Variants in FAM53B observed in about 807,000 individuals in gnomAD.
The protein encoded by FAM53B is protein FAM53B.
In FAM53B, 12 loss-of-function variants were observed where a neutral mutation model predicts 32.7. The ratio of observed to expected loss-of-function variants is 0.37; its 90% CI spans 0.24 to 0.59. The LOEUF is 0.59. FAM53B is among the 20% of genes least tolerant of loss of function. FAM53B has a pLI of 0.72. For missense variants in FAM53B, 477 were observed against 577.7 expected (o/e 0.83, Z 1.79); for synonymous variants, 234 against 228.7 (o/e 1.02, Z -0.21).
intron 1 of FAM53B, among the ~76,000 whole-genome samples, chr10:124,729,752 C>A (rs537266122): frequency 2.0e-5 from 3 of 152,294 alleles, no homozygotes; most frequent in East Asian, 3.9e-4. Context: ...TGGACTACAA[C>A]CAGCCACACA....
In FAM53B at chr10:124,623,225, C is replaced by G. The variant is rs1319573999; in HGVS notation, c.*17G>C. 6.4e-7 allele frequency: 1 copy of G among 1,569,526 alleles called. No homozygotes were observed. Among genetic ancestry groups the G allele is most frequent in the African/African-American group, 1.4e-5 (1 of 73,998 alleles). ...TCGATGCCAGCACACCCCAGCCCTGCCTGGGCCCACACCCCCTCAGTTCTT... is the reference window on the plus strand; with the variant it reads ...TCGATGCCAGCACACCCCAGCCCTGGCTGGGCCCACACCCCCTCAGTTCTT... On this transcript the variant is annotated 3_prime_UTR_variant, in exon 5 of 5. Coordinates refer to ENST00000337318, the MANE Select transcript of FAM53B (RefSeq NM_014661.4).
chr10:124,705,214 T>G (rs1949945247), intron 2 of FAM53B, among the ~76,000 whole-genome samples: 1 of 152,132 alleles, frequency 6.6e-6, no homozygotes, highest in Non-Finnish European at 1.5e-5. Flanking sequence ...GAGACCTGAC[T>G]GAGGGAGGGC....
intron 4 of FAM53B, among the ~76,000 whole-genome samples, chr10:124,638,142 G>A (rs1162160688): frequency 1.3e-5 from 2 of 152,234 alleles, no homozygotes; most frequent in South Asian, 4.1e-4. Flanking sequence ...AGCTGAGGCA[G>A]GCGGATCACG....
At chr10:124,655,960 G>T (rs1949586812) in intron 4 of FAM53B, among the ~76,000 whole-genome samples, 1 of 152,218 alleles carries the variant, frequency 6.6e-6, no homozygotes, top group African/African-American at 2.4e-5. Context: ...GCACACAGCA[G>T]GTACGTACCA....
At chr10:124,683,862 T>G (rs1949787403) in intron 3 of FAM53B, among the ~76,000 whole-genome samples, 1 of 152,180 alleles carries the variant, frequency 6.6e-6, no homozygotes, top group Non-Finnish European at 1.5e-5. Flanking sequence ...CCACTACCAG[T>G]GGCCACTCCT....
intron 4 of FAM53B, among the ~76,000 whole-genome samples, chr10:124,655,598 A>T (rs540109535): frequency 6.6e-6 from 1 of 152,246 alleles, no homozygotes; most frequent in Admixed American, 6.5e-5. Context: ...TCATCCAGGG[A>T]CTGCTTAATG....
chr10:124,639,816 G>C (rs117932365), intron 4 of FAM53B, among the ~76,000 whole-genome samples: 5,086 of 152,044 alleles, frequency 0.033, 136 homozygotes, highest in Non-Finnish European at 0.05. Flanking sequence ...GCGGGCATGG[G>C]GGGACCTCTC....
chr10:124,642,730 A>G (rs1281758360), intron 4 of FAM53B, among the ~76,000 whole-genome samples: 1 of 152,232 alleles, frequency 6.6e-6, no homozygotes, highest in Non-Finnish European at 1.5e-5. Context: ...CTTCTTATGC[A>G]GTGGAATTGG....
intron 4 of FAM53B, among the ~76,000 whole-genome samples, chr10:124,680,124 C>A (rs1949760131): frequency 6.6e-6 from 1 of 152,076 alleles, no homozygotes; most frequent in Non-Finnish European, 1.5e-5. Flanking sequence ...GTGTTCAATC[C>A]CTGTCCAGCT....
intron 1 of FAM53B, among the ~76,000 whole-genome samples, chr10:124,722,550 G>C (rs1484576638): frequency 6.6e-6 from 1 of 152,204 alleles, no homozygotes; most frequent in African/African-American, 2.4e-5. Flanking sequence ...GAGCGGAAAT[G>C]GGTAGCCGGG....
In FAM53B at chr10:124,706,661, G is replaced by A; in HGVS notation, c.53C>T (p.Ala18Val). Residue 18 changes from alanine to valine, a missense_variant, in exon 2 of 5, where the codon GCA becomes GTA. Physicochemically the swap from Ala to Val is moderately conservative, Grantham distance 64. Around this residue, in one of 2 missense-constraint regions of FAM53B, gnomAD observed 312 missense variants for 420.2 expected, o/e 0.74. Coordinates refer to ENST00000337318, the MANE Select transcript of FAM53B (RefSeq NM_014661.4). ...CAGTTCACGGCTGAAGGTCCCACAT[G>A]CAATGGAGTCAGCTCCCCGGGTGCT... ...SLSTRGADSIACGTFSRELHT... is the reference protein window; with the variant it reads ...SLSTRGADSIVCGTFSRELHT... 1.2e-6 allele frequency: 2 copies of A among 1,614,214 alleles called. No individual in the cohort carries two copies. Among genetic ancestry groups the A allele is most frequent in the Non-Finnish European group, 1.7e-6 (2 of 1,180,042 alleles).
At chr10:124,664,040 G>T (rs1949650449) in intron 4 of FAM53B, among the ~76,000 whole-genome samples, 1 of 152,090 alleles carries the variant, frequency 6.6e-6, no homozygotes, top group South Asian at 2.1e-4. Flanking sequence ...ATGCCTCCAT[G>T]CTTTCCAGGG....
chr10:124,703,530 G>A (rs79927928), intron 2 of FAM53B: 7,812 of 152,462 alleles, frequency 0.051, 248 homozygotes, highest in East Asian at 0.12. Flanking sequence ...CGCAGGCAGC[G>A]CTGAGCCAGG....
intron 2 of FAM53B, among the ~76,000 whole-genome samples, chr10:124,702,490 G>A (rs1206630517): frequency 1.3e-5 from 2 of 152,190 alleles, no homozygotes; most frequent in Admixed American, 6.5e-5. Context: ...TACATCGTGT[G>A]TCTCTCCCCA....
At chr10:124,694,638 C>T (rs763837016) in intron 3 of FAM53B, among the ~76,000 whole-genome samples, 81 of 152,300 alleles carry the variant, frequency 5.3e-4, no homozygotes, top group Non-Finnish European at 7.5e-4. Context: ...CCCAGCATGA[C>T]GCAGGAAGGA....
intron 4 of FAM53B, among the ~76,000 whole-genome samples, chr10:124,632,536 T>C (rs1298680161): frequency 2.0e-5 from 3 of 152,214 alleles, no homozygotes; most frequent in African/African-American, 7.2e-5. Context: ...GCAGAAGGTA[T>C]GTCCAAGGCT....
At chr10:124,649,578 C>T in intron 4 of FAM53B, among the ~76,000 whole-genome samples, 1 of 152,194 alleles carries the variant, frequency 6.6e-6, no homozygotes, top group East Asian at 1.9e-4. Context: ...GTGGACAATG[C>T]CTGTTCTAAA....
chr10:124,657,123 T>G (rs1470080396), intron 4 of FAM53B, among the ~76,000 whole-genome samples: 6 of 147,250 alleles, frequency 4.1e-5, no homozygotes, highest in Non-Finnish European at 8.9e-5. Flanking sequence ...TGTGTGTATA[T>G]ATATGTGTGT....
chr10:124,730,182 C>A (rs569189668), intron 1 of FAM53B, among the ~76,000 whole-genome samples: 2 of 152,190 alleles, frequency 1.3e-5, no homozygotes, highest in South Asian at 2.1e-4. Context: ...CATGTATTTC[C>A]CATTCCAGCA....
Sources: gnomAD v4.1 joint callset for allele counts (sites outside exome capture counted in the v4.1 genomes callset) on GRCh38, gnomAD v4.1.1 for gene constraint, gnomAD v4.1.1 regional missense constraint, MANE v1.5 for transcripts, NCBI Gene and HGNC (gene_info 2026-07-23, HGNC 2026-07-21) for gene names.